ROBO2: variants seen among roughly 807,000 people sequenced by gnomAD.
ROBO2 encodes the protein roundabout homolog 2.
A neutral mutation model predicts 160.8 loss-of-function variants in ROBO2; 53 were observed. The ratio of observed to expected loss-of-function variants is 0.33; its 90% CI spans 0.26 to 0.41. The LOEUF (loss-of-function observed/expected upper bound fraction) is 0.41. Among genes scored for constraint, ROBO2 ranks in the 10% least tolerant of loss-of-function variants. The pLI, the probability that ROBO2 is intolerant of heterozygous loss-of-function variation, is 1.00. For missense variants in ROBO2, 1,577 were observed against 1,722.4 expected (o/e 0.92, Z 1.49); for synonymous variants, 664 against 611.7 (o/e 1.09, Z -1.26).
intron 2 of ROBO2, among the ~76,000 whole-genome samples, chr3:76,159,425 G>A (rs2072533915): frequency 6.6e-6 from 1 of 152,026 alleles, no homozygotes; most frequent in South Asian, 2.1e-4. Flanking sequence ...CAAAATTGAG[G>A]CATAAGAAAA....
chr3:77,248,878 T>C (rs2153279572), intron 2 of ROBO2, among the ~76,000 whole-genome samples: 1 of 151,034 alleles, frequency 6.6e-6, no homozygotes, highest in South Asian at 2.1e-4. Flanking sequence ...AATGTGAAAG[T>C]CATTACTTTT....
At chr3:77,331,694 CTTATTTAT>C (rs34762129) in intron 2 of ROBO2, among the ~76,000 whole-genome samples, 9 of 150,150 alleles carry the variant, frequency 6.0e-5, no homozygotes, top group African/African-American at 1.2e-4. Context: ...TATTTATTTA[CTTATTTAT>C]TTATTTATTT....
intron 2 of ROBO2, among the ~76,000 whole-genome samples, chr3:76,537,029 G>A (rs1577980996): frequency 6.6e-6 from 1 of 152,042 alleles, no homozygotes; most frequent in East Asian, 1.9e-4. Flanking sequence ...TTATAAGGTT[G>A]GGGAGTGGAG....
chr3:77,624,142 C>T (rs1486111455), intron 23 of ROBO2, among the ~76,000 whole-genome samples: 2 of 152,144 alleles, frequency 1.3e-5, no homozygotes, highest in Non-Finnish European at 2.9e-5. Flanking sequence ...AGTTTGTATT[C>T]CATGATGAGT....
rs1357310779 is a variant in ROBO2 at position 77,563,230 on chromosome 3, C to T, written c.1583C>T (p.Pro528Leu). ...GACCTGCCAGGGCCACCATCCAAAC[C>T]GCAGGTCACTGATGTTACTAAGAAC... The change falls in exon 11 of 26, where the codon CCG becomes CTG. Residue 528 changes from proline to leucine, a missense_variant. Physicochemically the swap from Pro to Leu is moderately conservative, Grantham distance 98. Coordinates refer to ENST00000461745, the Ensembl canonical transcript of ROBO2. The T allele has an allele frequency of 5.0e-6, 8 of 1,613,384 alleles. No individual in the cohort carries two copies. The East Asian group carries it at 1.1e-4, about 22-fold the overall frequency.
At chr3:77,114,094 G>T (rs892322305) in intron 2 of ROBO2, among the ~76,000 whole-genome samples, 1 of 152,116 alleles carries the variant, frequency 6.6e-6, no homozygotes, top group Non-Finnish European at 1.5e-5. Flanking sequence ...AAGAGACCAC[G>T]TTCTGACCAT....
At chr3:76,589,047 C>A (rs1268939618) in intron 2 of ROBO2, among the ~76,000 whole-genome samples, 1 of 151,938 alleles carries the variant, frequency 6.6e-6, no homozygotes, top group Non-Finnish European at 1.5e-5. Context: ...ATTTGAACAC[C>A]CTGTAAACAC....
At chr3:76,664,078 A>G (rs1364240437) in intron 2 of ROBO2, among the ~76,000 whole-genome samples, 1 of 152,194 alleles carries the variant, frequency 6.6e-6, no homozygotes, top group Non-Finnish European at 1.5e-5. Flanking sequence ...TTTAGTTTAT[A>G]GGCTATTTCC....
intron 2 of ROBO2, among the ~76,000 whole-genome samples, chr3:75,972,889 A>G (rs548394867): frequency 1.3e-5 from 2 of 151,774 alleles, no homozygotes; most frequent in South Asian, 2.1e-4. Context: ...TGGCTCCTGC[A>G]GGACCATCCC....
At chr3:76,851,499 G>A (rs1266998523) in intron 2 of ROBO2, among the ~76,000 whole-genome samples, 1 of 151,788 alleles carries the variant, frequency 6.6e-6, no homozygotes, top group African/African-American at 2.4e-5. Context: ...ACTTTGGGAG[G>A]CCGAGGCGGG....
intron 5 of ROBO2, 87 bp from the exon 6 acceptor site, chr3:77,522,688 T>G (rs1160330599): frequency 1.7e-5 from 24 of 1,387,538 alleles, no homozygotes; most frequent in Non-Finnish European, 2.3e-5. Flanking sequence ...TAAAATACAG[T>G]ATAAAAAGAA....
At chr3:76,333,041 G>A (rs1051757157) in intron 2 of ROBO2, among the ~76,000 whole-genome samples, 2 of 152,182 alleles carry the variant, frequency 1.3e-5, no homozygotes, top group Non-Finnish European at 2.9e-5. Context: ...CAAGTTTGCA[G>A]GTAATGCTGT....
intron 2 of ROBO2, among the ~76,000 whole-genome samples, chr3:77,440,781 A>T (rs887308746): frequency 1.3e-5 from 2 of 152,120 alleles, no homozygotes; most frequent in Non-Finnish European, 2.9e-5. Context: ...GAAATTGTTC[A>T]ATTTTTGCTA....
chr3:76,216,957 T>A (rs1472559985), intron 2 of ROBO2, among the ~76,000 whole-genome samples: 5 of 152,084 alleles, frequency 3.3e-5, no homozygotes, highest in African/African-American at 1.2e-4. Flanking sequence ...TATAACAAAC[T>A]ATCTCTCAGA....
intron 2 of ROBO2, among the ~76,000 whole-genome samples, chr3:76,505,448 TG>T (rs2080745751): frequency 6.6e-6 from 1 of 152,162 alleles, no homozygotes; most frequent in Non-Finnish European, 1.5e-5. Context: ...TGCCAACTGC[TG>T]GCACCTGTGA....
intron 2 of ROBO2, among the ~76,000 whole-genome samples, chr3:75,978,904 T>G (rs2065202723): frequency 6.6e-6 from 1 of 151,524 alleles, no homozygotes; most frequent in Admixed American, 6.6e-5. Flanking sequence ...TAAGTGCTTG[T>G]GCATTTTTGC....
At chr3:76,772,976 G>A (rs1327064154) in intron 2 of ROBO2, among the ~76,000 whole-genome samples, 1 of 151,120 alleles carries the variant, frequency 6.6e-6, no homozygotes, top group African/African-American at 2.4e-5. Flanking sequence ...GTACTATGGT[G>A]ACAGTCTTCA....
chr3:76,686,807 GA>G (rs999853106), intron 2 of ROBO2, among the ~76,000 whole-genome samples: 3 of 151,378 alleles, frequency 2.0e-5, no homozygotes, highest in South Asian at 2.1e-4. Flanking sequence ...AAAAGAAAAA[GA>G]AAAAAAAGTA....
rs576442728 is a variant in ROBO2, at chr3:76,206,898, C to A, written c.109+269296C>A. On this transcript the variant is annotated intron_variant, in intron 2 of 26. Coordinates refer to the ROBO2 transcript ENST00000487694. ...GTTAAACATTGATATTAGTTTCCAG[C>A]ATCAGTCCAGACTTAACAGCCTCAG... is the stretch of plus-strand genomic sequence containing the variant. 2.0e-4 allele frequency among the ~76,000 whole-genome samples: 30 copies of A among 152,256 alleles called. 3 individuals are homozygous for A. In the South Asian group the frequency reaches 5.8e-3, roughly 29 times the overall value.
Sources: gnomAD v4.1 joint callset for allele counts (sites outside exome capture counted in the v4.1 genomes callset) on GRCh38, gnomAD v4.1.1 for gene constraint, MANE v1.5 for transcripts, NCBI Gene and HGNC (gene_info 2026-07-23, HGNC 2026-07-21) for gene names.